CSTPP1: variants seen among roughly 807,000 people sequenced by gnomAD.
The protein encoded by CSTPP1 is centriolar satellite-associated tubulin polyglutamylase complex regulator 1, also known as UPF0705 protein C11orf49.
At chr11:47,093,543 G>GTT in the CSTPP1 span, among the ~76,000 whole-genome samples, 1 of 152,190 alleles carries the variant, frequency 6.6e-6, no homozygotes, top group African/African-American at 2.4e-5. Flanking sequence ...CAATACTTAA[G>GTT]TAAGTTTTTT....
the CSTPP1 span, among the ~76,000 whole-genome samples, chr11:46,973,822 G>A: frequency 1.6e-4 from 25 of 152,104 alleles, no homozygotes; most frequent in Middle Eastern, 3.4e-3. Context: ...GTGTGTCTGT[G>A]TGTGTTGAAG....
the CSTPP1 span, among the ~76,000 whole-genome samples, chr11:47,018,395 A>G: frequency 6.7e-6 from 1 of 150,334 alleles, no homozygotes; most frequent in African/African-American, 2.5e-5. Context: ...CCTGGGTTCA[A>G]GTGATTCTCC....
the CSTPP1 span, among the ~76,000 whole-genome samples, chr11:47,115,189 C>G: frequency 6.6e-6 from 1 of 152,118 alleles, no homozygotes; most frequent in African/African-American, 2.4e-5. Flanking sequence ...CTAACTTGAT[C>G]GTGGTGGATA....
the CSTPP1 span, among the ~76,000 whole-genome samples, chr11:46,981,461 T>C: frequency 5.3e-5 from 8 of 152,232 alleles, no homozygotes; most frequent in South Asian, 1.7e-3. Context: ...ATTGTGTGTT[T>C]AACTAGAAAT....
chr11:47,157,934 C>T, the CSTPP1 span: 1 of 1,607,516 alleles, frequency 6.2e-7, no homozygotes, highest in African/African-American at 1.3e-5. Context: ...TAAGTCAGAG[C>T]TAAGCAGCCG....
At chr11:47,052,551 C>T in the CSTPP1 span, 5 of 1,603,440 alleles carry the variant, frequency 3.1e-6, no homozygotes, top group Non-Finnish European at 4.3e-6. Flanking sequence ...TCCTTCCTTC[C>T]TTCCTTCCTT....
At chr11:47,135,449 T>C in the CSTPP1 span, among the ~76,000 whole-genome samples, 5 of 152,176 alleles carry the variant, frequency 3.3e-5, no homozygotes, top group Non-Finnish European at 7.4e-5. Context: ...CAAGCTCCCA[T>C]ATGCCTATCA....
chr11:47,053,014 A>C, the CSTPP1 span: 1 of 153,302 alleles, frequency 6.5e-6, no homozygotes, highest in Non-Finnish European at 1.5e-5. Context: ...GTGAATATGA[A>C]GAAAGAAACT....
the CSTPP1 span, among the ~76,000 whole-genome samples, chr11:46,967,760 T>C: frequency 6.6e-6 from 1 of 150,820 alleles, no homozygotes; most frequent in African/African-American, 2.4e-5. Context: ...TCCTTAATCC[T>C]GGCAAAAAAT....
the CSTPP1 span, among the ~76,000 whole-genome samples, chr11:47,111,472 C>T: frequency 6.6e-6 from 1 of 152,128 alleles, no homozygotes; most frequent in African/African-American, 2.4e-5. Context: ...GACTGCTGTA[C>T]GTGATGCTTC....
chr11:47,138,798 C>T, the CSTPP1 span, among the ~76,000 whole-genome samples: 1 of 151,900 alleles, frequency 6.6e-6, no homozygotes, highest in Non-Finnish European at 1.5e-5. Context: ...GCCTACATGG[C>T]GAAACTCCAT....
chr11:47,045,865 C>A, the CSTPP1 span, among the ~76,000 whole-genome samples: 1 of 152,076 alleles, frequency 6.6e-6, no homozygotes, highest in African/African-American at 2.4e-5. Flanking sequence ...AGGCTCACTG[C>A]AACCTCCGTC....
the CSTPP1 span, among the ~76,000 whole-genome samples, chr11:47,024,615 C>T: frequency 1.9e-4 from 29 of 152,060 alleles, no homozygotes; most frequent in Admixed American, 1.6e-3. Context: ...TAAACCAATA[C>T]TAAGAAGGTT....
At chr11:47,007,515 C>G in the CSTPP1 span, among the ~76,000 whole-genome samples, 1 of 151,928 alleles carries the variant, frequency 6.6e-6, no homozygotes, top group Admixed American at 6.6e-5. Context: ...CTTGCTAAAT[C>G]TTGTCTTTCA....
At chr11:47,104,914 A>G in the CSTPP1 span, among the ~76,000 whole-genome samples, 1 of 152,226 alleles carries the variant, frequency 6.6e-6, no homozygotes, top group Non-Finnish European at 1.5e-5. Flanking sequence ...AACAGGTGGA[A>G]GCCTAGGAAA....
chr11:46,943,187 G>A, the CSTPP1 span, among the ~76,000 whole-genome samples: 2 of 152,108 alleles, frequency 1.3e-5, no homozygotes, highest in East Asian at 1.9e-4. Flanking sequence ...GCTAACAAAA[G>A]CAACCGAGAC....
chr11:47,086,192 C>T, the CSTPP1 span, among the ~76,000 whole-genome samples: 3 of 139,800 alleles, frequency 2.1e-5, no homozygotes, highest in African/African-American at 7.9e-5. Context: ...AGTTTGAGAC[C>T]AGCCTGGCCA....
At chr11:47,002,256 T>G in the CSTPP1 span, among the ~76,000 whole-genome samples, 1 of 152,218 alleles carries the variant, frequency 6.6e-6, no homozygotes, top group South Asian at 2.1e-4. Context: ...CAGGCACCTC[T>G]GTTAGACCAT....
the CSTPP1 span, among the ~76,000 whole-genome samples, chr11:47,019,098 C>A: frequency 2.0e-5 from 3 of 152,106 alleles, no homozygotes; most frequent in African/African-American, 4.8e-5. Context: ...ACCTCTGCCT[C>A]CCAGGTTCAA....
Sources: gnomAD v4.1 joint callset for allele counts (sites outside exome capture counted in the v4.1 genomes callset) on GRCh38, gnomAD v4.1.1 for gene constraint, MANE v1.5 for transcripts, NCBI Gene and HGNC (gene_info 2026-07-23, HGNC 2026-07-21) for gene names.